Variants in FAAH2 observed in about 807,000 individuals in gnomAD.
FAAH2 encodes the protein fatty acid amide hydrolase 2.
Under a neutral mutation model 36.9 loss-of-function variants are expected in FAAH2, and 60 were observed. The observed-to-expected ratio is 1.63, with a 90% CI of 1.32 to 2.02. FAAH2 has a LOEUF of 2.02. FAAH2 is among the 30% of genes most tolerant of loss of function. The pLI is 0.00. For missense variants in FAAH2, 689 were observed against 397.5 expected (o/e 1.73, Z -6.23); for synonymous variants, 214 against 143.8 (o/e 1.49, Z -3.49).
At chrX:57,258,696 G>A in the FAAH2 span, among the ~76,000 whole-genome samples, 5 of 98,070 alleles carry the variant, frequency 5.1e-5, no homozygotes, top group African/African-American at 2.0e-4. Context: ...CTATAAAAAG[G>A]TTTTTTTGTT....
chrX:57,350,550 C>A (rs1407600966), intron 5 of FAAH2, among the ~76,000 whole-genome samples: 1 of 110,846 alleles, frequency 9.0e-6, no homozygotes, highest in Admixed American at 9.6e-5. Context: ...AAAATCTCAA[C>A]TTAAAAAATA....
In FAAH2 at chrX:57,286,864, C is replaced by A; in HGVS notation, c.39C>A (p.Leu13=). ...PSFTARIQLF[L]LRALGFLIGL... ...TTACCGCCCGCATTCAGTTGTTCCT[C>A]TTGCGGGCGCTAGGCTTTCTCATAG... The change falls in exon 1 of 11, where the codon CTC becomes CTA. Residue 13 remains leucine, a synonymous_variant. Transcript: ENST00000374900. 8.4e-7 allele frequency: 1 copy of A among 1,191,657 alleles called. No homozygotes were observed. Among genetic ancestry groups the A allele is most frequent in the South Asian group, 1.9e-5 (1 of 53,275 alleles).
At chrX:57,352,645 C>G (rs185210845) in intron 5 of FAAH2, among the ~76,000 whole-genome samples, 2 of 110,685 alleles carry the variant, frequency 1.8e-5, no homozygotes, top group African/African-American at 6.5e-5. Flanking sequence ...AAAAGACATC[C>G]AATTAGAAAA....
At chrX:57,363,192 C>A (rs979831404) in intron 5 of FAAH2, among the ~76,000 whole-genome samples, 2 of 111,803 alleles carry the variant, frequency 1.8e-5, no homozygotes, top group African/African-American at 3.2e-5. Context: ...AATATTAATT[C>A]TTCAAATTCA....
chrX:57,239,068 T>A, the FAAH2 span, among the ~76,000 whole-genome samples: 3 of 112,278 alleles, frequency 2.7e-5, no homozygotes, highest in Admixed American at 2.8e-4. Flanking sequence ...ACATTTTCTT[T>A]ATCTAGTACA....
the FAAH2 span, among the ~76,000 whole-genome samples, chrX:57,195,861 C>CTTT: frequency 8.9e-6 from 1 of 112,040 alleles, no homozygotes; most frequent in Non-Finnish European, 1.9e-5. Flanking sequence ...AAAGCATGTC[C>CTTT]TTTCCTTACT....
intron 7 of FAAH2, among the ~76,000 whole-genome samples, chrX:57,398,284 G>GT (rs966955224): frequency 3.6e-5 from 4 of 111,924 alleles, no homozygotes; most frequent in African/African-American, 1.3e-4. Flanking sequence ...TTTAAGATTT[G>GT]TTTTTTCACA....
intron 3 of FAAH2, among the ~76,000 whole-genome samples, chrX:57,329,659 A>G (rs1425561524): frequency 1.8e-5 from 2 of 109,425 alleles, no homozygotes. Context: ...ACAAGTACCA[A>G]TAAAGCAATG....
chrX:57,443,851 A>T (rs1304049116), intron 8 of FAAH2, among the ~76,000 whole-genome samples: 1 of 112,126 alleles, frequency 8.9e-6, no homozygotes, highest in Non-Finnish European at 1.9e-5. Context: ...CCTCAGTTGC[A>T]GGTCTGTTGG....
At chrX:57,397,536 G>A (rs908589774) in intron 7 of FAAH2, among the ~76,000 whole-genome samples, 3 of 110,625 alleles carry the variant, frequency 2.7e-5, no homozygotes, top group Non-Finnish European at 5.7e-5. Flanking sequence ...AGCTTAATTG[G>A]CAGGATATAA....
At chrX:57,163,308 C>A in the FAAH2 span, among the ~76,000 whole-genome samples, 1 of 111,005 alleles carries the variant, frequency 9.0e-6, no homozygotes, top group Admixed American at 9.5e-5. Context: ...TTACTGCTGT[C>A]TTTTTTTTTG....
chrX:57,210,854 T>A, the FAAH2 span, among the ~76,000 whole-genome samples: 1 of 112,614 alleles, frequency 8.9e-6, no homozygotes, highest in Non-Finnish European at 1.9e-5. Context: ...GAAATCCCCA[T>A]CAAAGTTGGT....
chrX:57,385,910 A>AT (rs1462801321), intron 7 of FAAH2, among the ~76,000 whole-genome samples: 4 of 109,944 alleles, frequency 3.6e-5, no homozygotes, highest in Non-Finnish European at 7.6e-5. Flanking sequence ...TCCGTTAAAA[A>AT]AAAAAAAAAA....
intron 10 of FAAH2, among the ~76,000 whole-genome samples, chrX:57,458,076 A>C (rs2056893381): frequency 8.9e-6 from 1 of 111,992 alleles, no homozygotes; most frequent in South Asian, 3.7e-4. Context: ...TCAAAACAGC[A>C]TGGTACTGCT....
At chrX:57,158,012 CA>C in the FAAH2 span, among the ~76,000 whole-genome samples, 69 of 110,563 alleles carry the variant, frequency 6.2e-4, no homozygotes, top group East Asian at 4.9e-3. Context: ...TCCCACCCCA[CA>C]ACAGGCCCCG....
At chrX:57,265,354 C>T in the FAAH2 span, among the ~76,000 whole-genome samples, 9 of 111,783 alleles carry the variant, frequency 8.1e-5, no homozygotes, top group South Asian at 3.8e-4. Flanking sequence ...ACCCCACTTC[C>T]GTTGCACCTC....
In FAAH2 at chrX:57,392,580, T is replaced by G. The variant is rs1054187428; in HGVS notation, c.996+11551T>G. ...CTGCCTTATACTTCCTAACTCCCAGTGGGCCTGAATAGACACTGGCCAGAT... is the reference window on the plus strand; with the variant it reads ...CTGCCTTATACTTCCTAACTCCCAGGGGGCCTGAATAGACACTGGCCAGAT... On this transcript the variant is annotated intron_variant, in intron 7 of 10. Transcript: ENST00000374900. 160 of 814,997 alleles carry G rather than the reference T, an allele frequency of 2.0e-4. 2 individuals carry two copies. The South Asian group carries it at 3.3e-3, about 17-fold the overall frequency. The allele number at this position is 814,997 out of a possible 1,213,427, so 67.2% of individuals were successfully genotyped here.
chrX:57,221,638 C>G, the FAAH2 span, among the ~76,000 whole-genome samples: 2 of 111,608 alleles, frequency 1.8e-5, no homozygotes, highest in Non-Finnish European at 3.8e-5. Flanking sequence ...AGCTGTACTC[C>G]CAGTATGTCC....
chrX:57,375,542 T>C (rs2054653146), intron 5 of FAAH2, among the ~76,000 whole-genome samples: 1 of 110,627 alleles, frequency 9.0e-6, no homozygotes, highest in South Asian at 3.8e-4. Context: ...TTGTGTGATC[T>C]TTTGTCTTTC....
Sources: allele counts gnomAD v4.1 joint callset (sites outside exome capture counted in the v4.1 genomes callset), GRCh38; gene constraint gnomAD v4.1.1; transcripts MANE v1.5; gene names NCBI Gene and HGNC (gene_info 2026-07-23, HGNC 2026-07-21).